Variants in MYO18B observed in about 807,000 individuals in gnomAD.
MYO18B encodes the protein myosin XVIIIB.
A neutral mutation model predicts 273.0 loss-of-function variants in MYO18B; 204 were observed. The observed-to-expected ratio is 0.75, with a 90% CI of 0.67 to 0.84. The LOEUF (loss-of-function observed/expected upper bound fraction) is 0.84. MYO18B is among the 40% of genes least tolerant of loss of function. The pLI is 0.00. For missense variants in MYO18B, 3,212 were observed against 3,287.6 expected (o/e 0.98, Z 0.56); for synonymous variants, 1,330 against 1,305.7 (o/e 1.02, Z -0.40).
chr22:26,040,094 A>G, the MYO18B span, among the ~76,000 whole-genome samples: 22 of 152,200 alleles, frequency 1.4e-4, no homozygotes, highest in African/African-American at 4.8e-4. Context: ...GCTCCCACTT[A>G]TAAATGAGAA....
chr22:26,025,478 G>A (rs573484374), intron 42 of MYO18B, among the ~76,000 whole-genome samples: 1 of 152,302 alleles, frequency 6.6e-6, no homozygotes, highest in South Asian at 2.1e-4. Context: ...GCACTCAGAG[G>A]CAGGGACCCC....
At chr22:25,769,540 A>T in intron 4 of MYO18B, 112 bp downstream of exon 4, 15 of 971,982 alleles carry the variant, frequency 1.5e-5, no homozygotes, top group East Asian at 2.7e-5. Flanking sequence ...GGGGGTGGGC[A>T]GGGAATTGGA....
chr22:25,907,970 T>C (rs993556412), intron 31 of MYO18B, among the ~76,000 whole-genome samples: 1 of 149,818 alleles, frequency 6.7e-6, no homozygotes, highest in Non-Finnish European at 1.5e-5. Flanking sequence ...GAGGTGGAGG[T>C]TGTGGTGAGC....
intron 1 of MYO18B, among the ~76,000 whole-genome samples, chr22:25,747,163 T>C (rs2085804842): frequency 6.6e-6 from 1 of 152,068 alleles, no homozygotes; most frequent in African/African-American, 2.4e-5. Flanking sequence ...AATTAGCCCT[T>C]TGATGGAGCA....
rs1452579745 is a variant in MYO18B, at chr22:25,847,540, G to A, written c.3663G>A (p.Gln1221=). The A allele has an allele frequency of 2.5e-6, 4 of 1,572,898 alleles. No homozygotes were observed. The highest frequency in any genetic ancestry group is 1.4e-5 in the African/African-American group (1 of 73,966). ...RSGQESPPPP[Q]PGRDKPGAGG... is the part of the protein sequence containing the mutation. ...GGCAGGAATCTCCACCACCACCGCAGCCTGGTAGAGACAAGCCTGGGGCAG... is the reference window on the plus strand; with the variant it reads ...GGCAGGAATCTCCACCACCACCGCAACCTGGTAGAGACAAGCCTGGGGCAG... Residue 1221 remains glutamine, a synonymous_variant, in exon 20 of 44, where the codon CAG becomes CAA. Coordinates refer to ENST00000335473, the MANE Select transcript of MYO18B (RefSeq NM_032608.7).
In MYO18B at chr22:25,811,695, C is replaced by T. The variant is rs554392590; in HGVS notation, c.2522-11810C>T. Among the ~76,000 whole-genome samples the T allele has an allele frequency of 9.9e-5, 15 of 152,264 alleles. No individual in the cohort carries two copies. In the South Asian group the frequency reaches 2.7e-3, roughly 27 times the overall value. ...TCATAGTGATATTCCTGATTCTCTT[C>T]GTCAGCTGCAGGGGACTGTCCAGAA... On this transcript the variant is annotated intron_variant, in intron 12 of 43. Transcript: ENST00000335473.
At chr22:25,826,536 T>C (rs1294310775) in intron 14 of MYO18B, 37 bp downstream of exon 14, 2 of 1,572,608 alleles carry the variant, frequency 1.3e-6, no homozygotes, top group African/African-American at 2.7e-5. Context: ...AGTTGGCCTC[T>C]TGCAGGTGCA....
the MYO18B span, among the ~76,000 whole-genome samples, chr22:26,038,889 C>G: frequency 6.6e-6 from 1 of 152,182 alleles, no homozygotes; most frequent in African/African-American, 2.4e-5. Context: ...TTCTAGGGAG[C>G]CTGCATCAAG....
chr22:25,907,827 G>C lies in MYO18B; in HGVS notation c.5149-495G>C, dbSNP rs569050763. Among the ~76,000 whole-genome samples, 3 of 152,226 alleles carry C rather than the reference G, an allele frequency of 2.0e-5. No homozygotes were observed. The East Asian group carries it at 5.8e-4, about 30-fold the overall frequency. The stretch of plus-strand genomic sequence containing the variant: ...AGGCGGGTGGATCACCTGAGGTCAG[G>C]AGTTTGAGATCATCTTGATCAACAT... On this transcript the variant is annotated intron_variant, in intron 31 of 43. Transcript: ENST00000335473.
chr22:25,938,867 G>A (rs981026654), intron 34 of MYO18B, among the ~76,000 whole-genome samples: 7 of 152,216 alleles, frequency 4.6e-5, no homozygotes, highest in African/African-American at 1.7e-4. Flanking sequence ...GCCCAAGCTG[G>A]AGTGCAGTGG....
chr22:25,916,790 G>A (rs2092267424), intron 33 of MYO18B, among the ~76,000 whole-genome samples: 1 of 152,212 alleles, frequency 6.6e-6, no homozygotes, highest in Non-Finnish European at 1.5e-5. Flanking sequence ...CCAGCACTTT[G>A]GGAGGCCAAG....
At chr22:25,945,323 T>C (rs1009515025) in intron 34 of MYO18B, among the ~76,000 whole-genome samples, 3 of 152,084 alleles carry the variant, frequency 2.0e-5, no homozygotes, top group African/African-American at 7.2e-5. Context: ...AGTGTCACCC[T>C]CTTTCCTCTA....
rs2089294885 is a variant in MYO18B at position 25,821,877 on chromosome 22, TAAAA to T, written c.2522-1625_2522-1622del. On this transcript the variant is annotated intron_variant, in intron 12 of 43. Transcript: ENST00000335473. The stretch of plus-strand genomic sequence containing the variant: ...CAACCATGGTAGAAAATTTGGAAAA[TAAAA>T]AATCCCTTTACCTAGCTGTGATGGT... Among the ~76,000 whole-genome samples the T allele has an allele frequency of 2.0e-5, 3 of 152,266 alleles. No individual in the cohort carries two copies. In the South Asian group the frequency reaches 6.2e-4, roughly 32 times the overall value.
At chr22:25,785,577 CT>C (rs2087349162) in intron 11 of MYO18B, 86 bp downstream of exon 11, 1 of 1,388,556 alleles carries the variant, frequency 7.2e-7, no homozygotes. Flanking sequence ...CAACTTGTCT[CT>C]TTTGGTACTG....
chr22:25,986,158 T>G (rs1345551018), intron 39 of MYO18B, among the ~76,000 whole-genome samples: 1 of 152,178 alleles, frequency 6.6e-6, no homozygotes, highest in African/African-American at 2.4e-5. Context: ...CTCTAGATCT[T>G]TTCTTGGTTG....
intron 12 of MYO18B, among the ~76,000 whole-genome samples, chr22:25,808,195 G>A (rs962679421): frequency 6.6e-6 from 1 of 152,100 alleles, no homozygotes; most frequent in Non-Finnish European, 1.5e-5. Context: ...CGATTTCTCT[G>A]TCTTGGGGCC....
intron 42 of MYO18B, among the ~76,000 whole-genome samples, chr22:26,018,599 A>G (rs974734699): frequency 2.6e-5 from 4 of 152,188 alleles, no homozygotes; most frequent in Non-Finnish European, 5.9e-5. Flanking sequence ...TTCTTGAGCC[A>G]TCGCCGCCAT....
At chr22:25,947,642 C>T (rs772003762) in intron 35 of MYO18B, 70 bp from the exon 36 acceptor site, 1 of 1,190,298 alleles carries the variant, frequency 8.4e-7, no homozygotes, top group Non-Finnish European at 1.2e-6. Flanking sequence ...CCTCTTTGCT[C>T]TTCCTCTGGA....
intron 39 of MYO18B, 64 bp from the exon 40 acceptor site, chr22:25,992,299 G>GT (rs1477402085): frequency 1.9e-6 from 3 of 1,594,866 alleles, no homozygotes; most frequent in Non-Finnish European, 2.6e-6. Context: ...CTCTTCCCCA[G>GT]TGCATGCATG....
Sources: gnomAD v4.1 joint callset for allele counts (sites outside exome capture counted in the v4.1 genomes callset) on GRCh38, gnomAD v4.1.1 for gene constraint, MANE v1.5 for transcripts, NCBI Gene and HGNC (gene_info 2026-07-23, HGNC 2026-07-21) for gene names.